Variants in MACROD1 observed in about 807,000 individuals in gnomAD.
The protein encoded by MACROD1 is ADP-ribose glycohydrolase MACROD1.
A neutral mutation model predicts 41.4 loss-of-function variants in MACROD1; 31 were observed. That is an observed-to-expected ratio of 0.75 (90% CI 0.56 to 1.01). MACROD1 has a LOEUF of 1.01. Among genes scored for constraint, MACROD1 ranks in the 50% least tolerant of loss-of-function variants. The pLI is 0.00. For synonymous variants in MACROD1, 252 were observed against 203.4 expected (o/e 1.24, Z -2.03); for missense variants, 473 against 460.0 (o/e 1.03, Z -0.26).
At chr11:64,127,460 GC>G (rs1945203149) in intron 3 of MACROD1, among the ~76,000 whole-genome samples, 1 of 151,798 alleles carries the variant, frequency 6.6e-6, no homozygotes, top group South Asian at 2.1e-4. Context: ...CCCTCCCCGG[GC>G]CTTGCCCCCG....
At chr11:64,154,966 A>G (rs1246950042) in intron 1 of MACROD1, among the ~76,000 whole-genome samples, 1 of 152,162 alleles carries the variant, frequency 6.6e-6, no homozygotes, top group Non-Finnish European at 1.5e-5. Context: ...CAATCCACCC[A>G]TGTCAGCCTC....
At chr11:64,072,201 C>A (rs1441232490) in intron 3 of MACROD1, among the ~76,000 whole-genome samples, 2 of 152,114 alleles carry the variant, frequency 1.3e-5, no homozygotes, top group African/African-American at 2.4e-5. Flanking sequence ...GCAGGGTCTG[C>A]TTCATCCTCA....
chr11:64,069,487 T>A (rs1944066050), intron 3 of MACROD1, among the ~76,000 whole-genome samples: 1 of 152,208 alleles, frequency 6.6e-6, no homozygotes, highest in Non-Finnish European at 1.5e-5. Context: ...CCCTTTAGCC[T>A]CTGGCTCTGG....
At chr11:64,133,435 G>C (rs1289114562) in intron 3 of MACROD1, among the ~76,000 whole-genome samples, 1 of 152,214 alleles carries the variant, frequency 6.6e-6, no homozygotes. Context: ...GGAGGCACAC[G>C]CAATGTGAGA....
intron 3 of MACROD1, chr11:64,116,617 A>C: frequency 1.2e-6 from 2 of 1,614,092 alleles, no homozygotes; most frequent in Non-Finnish European, 1.7e-6. Context: ...TACGAGAATG[A>C]CCTGGATGAG....
chr11:64,077,153 T>C lies in MACROD1; in HGVS notation c.518-61872A>G, dbSNP rs1184334582. Reference sequence around the variant, plus strand: ...GGCCTGAACCCCTTCTCCCTGATGATGGAGAAACTGTTCTGCAGCTGAGGT... The same window carrying C: ...GGCCTGAACCCCTTCTCCCTGATGACGGAGAAACTGTTCTGCAGCTGAGGT... On this transcript the variant is annotated intron_variant, in intron 3 of 10. Transcript: ENST00000255681. 3.3e-5 allele frequency among the ~76,000 whole-genome samples: 5 copies of C among 152,126 alleles called. No homozygotes were observed. In the South Asian group the frequency reaches 6.2e-4, roughly 19 times the overall value.
intron 3 of MACROD1, among the ~76,000 whole-genome samples, chr11:64,093,855 C>T (rs1415723956): frequency 1.3e-5 from 2 of 152,190 alleles, no homozygotes; most frequent in African/African-American, 4.8e-5. Context: ...ACCATTGATT[C>T]CTCCATTAAT....
chr11:64,031,698 G>C (rs983142020), intron 3 of MACROD1, among the ~76,000 whole-genome samples: 1 of 152,054 alleles, frequency 6.6e-6, no homozygotes, highest in African/African-American at 2.4e-5. Flanking sequence ...GGCTGGTCAC[G>C]AATGGCTGAC....
intron 3 of MACROD1, among the ~76,000 whole-genome samples, chr11:64,077,241 C>T (rs1451031783): frequency 6.6e-6 from 1 of 152,198 alleles, no homozygotes; most frequent in African/African-American, 2.4e-5. Context: ...CACAGGGACC[C>T]AGTGATTCAT....
chr11:64,040,568 C>T (rs370981970), intron 3 of MACROD1, among the ~76,000 whole-genome samples: 8 of 152,240 alleles, frequency 5.3e-5, no homozygotes, highest in Non-Finnish European at 8.8e-5. Flanking sequence ...TTCCTAGGCC[C>T]GGGATGCCAG....
At chr11:64,153,216 C>T (rs1222532517) in intron 1 of MACROD1, among the ~76,000 whole-genome samples, 1 of 152,142 alleles carries the variant, frequency 6.6e-6, no homozygotes, top group Non-Finnish European at 1.5e-5. Flanking sequence ...CCGACCGCGC[C>T]AGGCCAGGCT....
intron 4 of MACROD1, among the ~76,000 whole-genome samples, chr11:64,008,316 A>G (rs1942948446): frequency 6.7e-6 from 1 of 148,814 alleles, no homozygotes; most frequent in African/African-American, 2.5e-5. Context: ...GCTGGCCCCC[A>G]GGGTCCCAGC....
At chr11:64,034,787 A>G (rs1943343226) in intron 3 of MACROD1, among the ~76,000 whole-genome samples, 1 of 152,220 alleles carries the variant, frequency 6.6e-6, no homozygotes, top group South Asian at 2.1e-4. Flanking sequence ...AGGGTGGATC[A>G]GGAGCACTGG....
intron 3 of MACROD1, among the ~76,000 whole-genome samples, chr11:64,042,756 G>A (rs1361905278): frequency 6.6e-6 from 1 of 152,196 alleles, no homozygotes; most frequent in African/African-American, 2.4e-5. Context: ...ACAAGGGGTT[G>A]GACCACTAGG....
intron 1 of MACROD1, among the ~76,000 whole-genome samples, chr11:64,157,931 C>G (rs941608360): frequency 6.6e-6 from 1 of 152,136 alleles, no homozygotes; most frequent in African/African-American, 2.4e-5. Context: ...GCCCACAGCT[C>G]GAGCAAAAGG....
At position 64,049,650 on chromosome 11, in the gene MACROD1, G is replaced by T. The variant is rs541021721; in HGVS notation, c.518-34369C>A. Among the ~76,000 whole-genome samples, 8 of 152,350 alleles carry T rather than the reference G, an allele frequency of 5.3e-5. No homozygotes were observed. The South Asian group carries it at 1.4e-3, about 28-fold the overall frequency. ...TCAGGGTTGGAGGTGCCTGCTGAAG[G>T]GGGTGGACGCTGGGGGTGCAGACAG... On this transcript the variant is annotated intron_variant, in intron 3 of 10. Coordinates refer to ENST00000255681, the MANE Select transcript of MACROD1 (RefSeq NM_014067.4).
chr11:64,156,668 T>C (rs983908735), intron 1 of MACROD1, among the ~76,000 whole-genome samples: 1 of 152,156 alleles, frequency 6.6e-6, no homozygotes, highest in South Asian at 2.1e-4. Flanking sequence ...CTAAGCATGG[T>C]AGCCTGGTCT....
In MACROD1 at chr11:64,120,456, G is replaced by C. The variant is rs183836415; in HGVS notation, c.517+30783C>G. The stretch of plus-strand genomic sequence containing the variant: ...AATCCCAGCACTTTGGGAGACTGAG[G>C]CAGGCAGATTTTCTGAGGTCAGGAG... On this transcript the variant is annotated intron_variant, in intron 3 of 10. Transcript: ENST00000255681. The surrounding 1 kb of genome is among the most constrained non-coding windows in gnomAD (Gnocchi z 4.5). Among the ~76,000 whole-genome samples the C allele has an allele frequency of 6.6e-6, 1 of 152,302 alleles. No individual in the cohort carries two copies. Among genetic ancestry groups the C allele is most frequent in the East Asian group, 1.9e-4 (1 of 5,178 alleles).
At chr11:64,139,136 C>T (rs1815106219) in intron 3 of MACROD1, among the ~76,000 whole-genome samples, 1 of 152,182 alleles carries the variant, frequency 6.6e-6, no homozygotes, top group Non-Finnish European at 1.5e-5. Context: ...CCAGTGACCT[C>T]TCAGCCCCAC....
Sources: allele counts gnomAD v4.1 joint callset (sites outside exome capture counted in the v4.1 genomes callset), GRCh38; gene constraint gnomAD v4.1.1; non-coding constraint Gnocchi (gnomAD v3.1); transcripts MANE v1.5; gene names NCBI Gene and HGNC (gene_info 2026-07-23, HGNC 2026-07-21).